The following SLC14A2 variants were observed in gnomAD, a reference collection of about 807,000 sequenced individuals.
The protein encoded by SLC14A2 is solute carrier family 14 member 2, also known as urea transporter 2.
Under a neutral mutation model 104.6 loss-of-function variants are expected in SLC14A2, and 91 were observed. That is an observed-to-expected ratio of 0.87 (90% CI 0.73 to 1.04). SLC14A2 has a LOEUF of 1.04. SLC14A2 is among the 50% of genes least tolerant of loss of function. The pLI is 0.00. For synonymous variants in SLC14A2, 476 were observed against 466.4 expected (o/e 1.02, Z -0.27); for missense variants, 1,189 against 1,156.0 (o/e 1.03, Z -0.41).
chr18:45,566,059 A>C (rs1040045792), intron 2 of SLC14A2, among the ~76,000 whole-genome samples: 1 of 152,250 alleles, frequency 6.6e-6, no homozygotes, highest in African/African-American at 2.4e-5. Flanking sequence ...TTGTGGAAGT[A>C]AAAACTTTGG....
At chr18:45,653,912 G>A (rs1358875287) in intron 10 of SLC14A2, among the ~76,000 whole-genome samples, 1 of 152,172 alleles carries the variant, frequency 6.6e-6, no homozygotes, top group Non-Finnish European at 1.5e-5. Flanking sequence ...GCCCCCTGAG[G>A]GGATAACACT....
intron 1 of SLC14A2, among the ~76,000 whole-genome samples, chr18:45,269,736 C>T (rs1294650971): frequency 6.6e-6 from 1 of 152,056 alleles, no homozygotes; most frequent in Non-Finnish European, 1.5e-5. Flanking sequence ...AAAGAGACAC[C>T]AGGATAAAGG....
chr18:45,402,728 T>C lies in SLC14A2; in HGVS notation c.-124-80505T>C, dbSNP rs192137365. 6.1e-3 allele frequency among the ~76,000 whole-genome samples: 926 copies of C among 152,256 alleles called. 9 individuals carry two copies. The highest frequency in any genetic ancestry group is 9.7e-3 in the Non-Finnish European group (663 of 68,010). On this transcript the variant is annotated intron_variant, in intron 1 of 20. Transcript: ENST00000586448. ...TTTATAAGAAAAGAATCTGAATTAC[T>C]GGGAGGAGTTGGCACAGCTAGTTAG...
At chr18:45,568,892 T>A (rs1310604358) in intron 2 of SLC14A2, among the ~76,000 whole-genome samples, 3 of 152,200 alleles carry the variant, frequency 2.0e-5, no homozygotes, top group Non-Finnish European at 4.4e-5. Flanking sequence ...GGGCTATGGA[T>A]AGTTATGTTT....
chr18:45,217,840 C>A (rs960112591), intron 1 of SLC14A2, among the ~76,000 whole-genome samples: 6 of 152,120 alleles, frequency 3.9e-5, no homozygotes, highest in Non-Finnish European at 8.8e-5. Context: ...CATTTCAAAG[C>A]TGCTGTGTTG....
chr18:45,463,933 G>A (rs929776342), intron 1 of SLC14A2, among the ~76,000 whole-genome samples: 2 of 152,206 alleles, frequency 1.3e-5, no homozygotes, highest in Non-Finnish European at 2.9e-5. Flanking sequence ...CAGTCCAGGA[G>A]GATTAGCCCT....
In SLC14A2 at chr18:45,262,463, A is replaced by T. The variant is rs375098825; in HGVS notation, c.-125+49272A>T. 9.8e-5 allele frequency among the ~76,000 whole-genome samples: 15 copies of T among 152,296 alleles called. No homozygotes were observed. The South Asian group carries it at 2.7e-3, about 27-fold the overall frequency. ...TGAGGAAGGGGATGCTGCAGTCATC[A>T]TTCTGGTCCGGACTCTCATTGTGTG... is the stretch of plus-strand genomic sequence containing the variant. On this transcript the variant is annotated intron_variant, in intron 1 of 20. Coordinates refer to the SLC14A2 transcript ENST00000586448.
At chr18:45,582,484 C>T (rs961736367) in intron 2 of SLC14A2, among the ~76,000 whole-genome samples, 2 of 149,980 alleles carry the variant, frequency 1.3e-5, no homozygotes, top group African/African-American at 4.8e-5. Context: ...AAAGCCATAT[C>T]AATAAAAAAA....
Position 45,402,295 on chromosome 18 carries a change from TTTTA to T in SLC14A2, c.-124-80933_-124-80930del, listed in dbSNP as rs200770857. Among the ~76,000 whole-genome samples, 1,496 of 152,330 alleles carry T rather than the reference TTTTA, an allele frequency of 9.8e-3. 16 individuals carry two copies. Among genetic ancestry groups the T allele is most frequent in the African/African-American group, 0.024 (996 of 41,570 alleles). Reference sequence around the variant, plus strand: ...TGTCTATAAAAGATTATTGTCTGCATTTTATTTAATTATTCCGTATGAAGTAATT... The same window carrying T: ...TGTCTATAAAAGATTATTGTCTGCATTTTAATTATTCCGTATGAAGTAATT... On this transcript the variant is annotated intron_variant, in intron 1 of 20. Transcript: ENST00000586448.
At chr18:45,447,324 C>T (rs1359976065) in intron 1 of SLC14A2, 1 of 152,186 alleles carries the variant, frequency 6.6e-6, no homozygotes, top group Non-Finnish European at 1.5e-5. Context: ...TCCGGATAAC[C>T]AGGTATTCCG....
Position 45,673,816 on chromosome 18 carries a change from C to A in SLC14A2, c.2511C>A (p.Cys837Ter). The change falls in exon 18 of 20, where the codon TGC becomes TGA. Residue 837 changes from cysteine to a stop codon, truncating the protein, a stop_gained and splice_region_variant. Coordinates refer to ENST00000255226, the MANE Select transcript of SLC14A2 (RefSeq NM_007163.4). LOFTEE classifies it high-confidence loss of function. ...TWQTHLLAIA[C>*]ALFAAYLGAA... is the part of the protein sequence containing the mutation. ...AGACGCACCTCCTCGCCATCGCCTG[C>A]GGTAGGTACTCCCCACAGAGGATTT... is the stretch of plus-strand genomic sequence containing the variant. 6.2e-7 allele frequency: 1 copy of A among 1,613,768 alleles called. No individual in the cohort carries two copies.
At chr18:45,360,166 A>G (rs1221301481) in intron 1 of SLC14A2, among the ~76,000 whole-genome samples, 6 of 152,102 alleles carry the variant, frequency 3.9e-5, no homozygotes, top group African/African-American at 1.2e-4. Flanking sequence ...CTTCATCAAC[A>G]TATACTTCCT....
intron 1 of SLC14A2, among the ~76,000 whole-genome samples, chr18:45,617,854 T>C (rs2045098109): frequency 6.6e-6 from 1 of 152,196 alleles, no homozygotes; most frequent in African/African-American, 2.4e-5. Context: ...AGAATGATGC[T>C]GTCACTGAGA....
At chr18:45,232,799 A>C (rs1328593933) in intron 1 of SLC14A2, among the ~76,000 whole-genome samples, 1 of 152,236 alleles carries the variant, frequency 6.6e-6, no homozygotes, top group Non-Finnish European at 1.5e-5. Flanking sequence ...GGGAGATGCT[A>C]TTAAGCAGCT....
At chr18:45,576,742 C>A (rs2044424001) in intron 2 of SLC14A2, among the ~76,000 whole-genome samples, 1 of 152,124 alleles carries the variant, frequency 6.6e-6, no homozygotes, top group African/African-American at 2.4e-5. Flanking sequence ...CCGCATTATT[C>A]AGATGTGGTG....
chr18:45,624,986 C>T (rs1047446172), intron 2 of SLC14A2, among the ~76,000 whole-genome samples, 172 bp downstream of exon 2: 9 of 152,160 alleles, frequency 5.9e-5, no homozygotes, highest in South Asian at 2.1e-4. Context: ...TAATGTGGCT[C>T]TTCATGAGAC....
intron 16 of SLC14A2, among the ~76,000 whole-genome samples, chr18:45,671,866 C>A (rs373561132): frequency 3.4e-4 from 52 of 152,338 alleles, no homozygotes; most frequent in African/African-American, 1.2e-3. Flanking sequence ...CTTGGCTAGA[C>A]CCTCCAAAAC....
At chr18:45,349,975 C>G (rs2085486166) in intron 1 of SLC14A2, among the ~76,000 whole-genome samples, 1 of 152,168 alleles carries the variant, frequency 6.6e-6, no homozygotes. Flanking sequence ...TCAATATTAT[C>G]AACTTTTTAT....
intron 1 of SLC14A2, among the ~76,000 whole-genome samples, chr18:45,247,581 C>T (rs529028178): frequency 6.6e-6 from 1 of 152,304 alleles, no homozygotes; most frequent in South Asian, 2.1e-4. Context: ...TACTCCCCTT[C>T]TCATTCAGTA....
Sources: gnomAD v4.1 joint callset for allele counts (sites outside exome capture counted in the v4.1 genomes callset) on GRCh38, gnomAD v4.1.1 for gene constraint, MANE v1.5 for transcripts, NCBI Gene and HGNC (gene_info 2026-07-23, HGNC 2026-07-21) for gene names.